VPS13B: variants seen among roughly 807,000 people sequenced by gnomAD.
The protein encoded by VPS13B is intermembrane lipid transfer protein VPS13B.
Under a neutral mutation model 426.4 loss-of-function variants are expected in VPS13B, and 285 were observed. That is an observed-to-expected ratio of 0.67 (90% CI 0.61 to 0.74). VPS13B has a LOEUF of 0.74. Among genes scored for constraint, VPS13B ranks in the 30% least tolerant of loss-of-function variants. The pLI, the probability that VPS13B is intolerant of heterozygous loss-of-function variation, is 0.00. For missense variants in VPS13B, 4,537 were observed against 4,782.6 expected (o/e 0.95, Z 1.51); for synonymous variants, 1,676 against 1,676.4 (o/e 1.00, Z 0.01).
At chr8:99,430,724 T>G (rs1275509759) in intron 21 of VPS13B, among the ~76,000 whole-genome samples, 1 of 147,720 alleles carries the variant, frequency 6.8e-6, no homozygotes, top group Non-Finnish European at 1.5e-5. Context: ...ACTTTTTTTT[T>G]GTTGTTGTTG....
Position 99,038,192 on chromosome 8 carries a change from T to C in VPS13B, c.148-231T>C, listed in dbSNP as rs539963621. Among the ~76,000 whole-genome samples the C allele has an allele frequency of 5.1e-4, 78 of 152,280 alleles. 3 individuals are homozygous for C. The South Asian group carries it at 0.013, about 25-fold the overall frequency. On this transcript the variant is annotated intron_variant, in intron 2 of 61. Transcript: ENST00000357162. The stretch of plus-strand genomic sequence containing the variant: ...CATTAACTATGGCCTAACAAGGTAT[T>C]TGATGCTACTTTTTGATAAACAGTA...
chr8:99,244,899 C>T (rs1205202206), intron 17 of VPS13B, among the ~76,000 whole-genome samples: 1 of 152,086 alleles, frequency 6.6e-6, no homozygotes, highest in East Asian at 1.9e-4. Flanking sequence ...AATATGTGTA[C>T]ATGTGTGGTG....
At chr8:99,862,657 A>G (rs1316614959) in intron 58 of VPS13B, among the ~76,000 whole-genome samples, 1 of 152,208 alleles carries the variant, frequency 6.6e-6, no homozygotes, top group African/African-American at 2.4e-5. Context: ...CCTTCCGCGC[A>G]TCTGAGGAAG....
intron 8 of VPS13B, among the ~76,000 whole-genome samples, chr8:99,123,903 A>G (rs7459833): frequency 0.72 from 108,874 of 152,084 alleles, 40,005 homozygotes; most frequent in South Asian, 0.87. Context: ...CCTGCTGTAT[A>G]TTTAAGTAGA....
At chr8:99,313,111 G>A (rs1490596983) in intron 19 of VPS13B, among the ~76,000 whole-genome samples, 2 of 152,106 alleles carry the variant, frequency 1.3e-5, no homozygotes, top group Admixed American at 6.6e-5. Context: ...AGATGGGTTC[G>A]AACTTCCTTC....
chr8:99,269,437 GT>G (rs1818463635), intron 17 of VPS13B, among the ~76,000 whole-genome samples: 1 of 152,078 alleles, frequency 6.6e-6, no homozygotes, highest in Non-Finnish European at 1.5e-5. Context: ...TTTGACTCAT[GT>G]CAGCTTTCTT....
Position 99,360,172 on chromosome 8 carries a change from TTCTTTCTTTCTTTCTTTCTC to T in VPS13B, c.2825-24032_2825-24013del, listed in dbSNP as rs1188080432. Among the ~76,000 whole-genome samples, 281 of 42,734 alleles carry T rather than the reference TTCTTTCTTTCTTTCTTTCTC, an allele frequency of 6.6e-3. 6 individuals are homozygous for T. Among genetic ancestry groups the T allele is most frequent in the South Asian group, 0.021 (17 of 794 alleles). The allele number at this position is 42,734 out of a possible 152,430, so 28.0% of individuals were successfully genotyped here. A position where few individuals can be genotyped will look rare whatever the true frequency, so the allele number is the denominator to read the frequency against. ...TTTCTTTCTTTCTTTCTTTCTTTCT[TTCTTTCTTTCTTTCTTTCTC>T]TCTCTCTCTCTCTCTCTCTTTCTTT... On this transcript the variant is annotated intron_variant, in intron 19 of 61. Coordinates refer to ENST00000357162, the MANE Select transcript of VPS13B (RefSeq NM_152564.5).
At chr8:99,627,290 G>A (rs1828653068) in intron 33 of VPS13B, among the ~76,000 whole-genome samples, 1 of 151,960 alleles carries the variant, frequency 6.6e-6, no homozygotes, top group Admixed American at 6.6e-5. Flanking sequence ...TAAAAAAATA[G>A]GTACTCCAGC....
chr8:99,465,405 G>GT (rs201727789), intron 23 of VPS13B, among the ~76,000 whole-genome samples: 6,044 of 133,504 alleles, frequency 0.045, 145 homozygotes, highest in South Asian at 0.083. Flanking sequence ...ACCTTGAAAG[G>GT]TTTTTTTTTT....
At chr8:99,585,523 T>C (rs1208707783) in intron 33 of VPS13B, among the ~76,000 whole-genome samples, 2 of 152,158 alleles carry the variant, frequency 1.3e-5, no homozygotes, top group Non-Finnish European at 2.9e-5. Flanking sequence ...GCAAGGTTGG[T>C]TTAATATCTG....
At chr8:99,248,334 T>G (rs532033592) in intron 17 of VPS13B, among the ~76,000 whole-genome samples, 1 of 152,306 alleles carries the variant, frequency 6.6e-6, no homozygotes, top group African/African-American at 2.4e-5. Context: ...TCTTTCAATG[T>G]ATACATATAT....
At chr8:99,208,220 G>A (rs1263554683) in intron 17 of VPS13B, among the ~76,000 whole-genome samples, 2 of 152,012 alleles carry the variant, frequency 1.3e-5, no homozygotes, top group Non-Finnish European at 2.9e-5. Context: ...TCACTATCAC[G>A]CAGCACCAAG....
intron 19 of VPS13B, among the ~76,000 whole-genome samples, chr8:99,304,375 C>G (rs1820531753): frequency 6.6e-6 from 1 of 151,086 alleles, no homozygotes; most frequent in African/African-American, 2.4e-5. Context: ...TTTCTATTGG[C>G]AGATGTGATT....
At chr8:99,256,491 A>G (rs542914704) in intron 17 of VPS13B, among the ~76,000 whole-genome samples, 2 of 152,244 alleles carry the variant, frequency 1.3e-5, no homozygotes, top group East Asian at 3.9e-4. Flanking sequence ...CCACTGTACC[A>G]TTTTACATTC....
rs1554952467 is a variant in VPS13B, at chr8:99,776,839, G to GC, written c.7314dup (p.Cys2439LeufsTer5). The GC allele has an allele frequency of 1.2e-6, 2 of 1,614,080 alleles. No homozygotes were observed. Among genetic ancestry groups the GC allele is most frequent in the Non-Finnish European group, 1.7e-6 (2 of 1,179,970 alleles). ...ACTTGTGACTCCAACAGCCCTGGCT[G>GC]CCTGTACCAGAGTTGACTCCTGCTT... On this transcript the variant is annotated frameshift_variant, in exon 41 of 62. Coordinates refer to ENST00000357162, the MANE Select transcript of VPS13B (RefSeq NM_152564.5). LOFTEE classifies it high-confidence loss of function.
At chr8:99,151,440 T>A (rs1273761377) in intron 14 of VPS13B, among the ~76,000 whole-genome samples, 2 of 152,194 alleles carry the variant, frequency 1.3e-5, no homozygotes, top group African/African-American at 4.8e-5. Flanking sequence ...CTGAAGGTCA[T>A]CATTATACCC....
chr8:99,649,625 TACACACAC>T (rs57697283), intron 34 of VPS13B, among the ~76,000 whole-genome samples: 3 of 146,388 alleles, frequency 2.0e-5, no homozygotes, highest in Non-Finnish European at 3.0e-5. Context: ...CCCCTCTACA[TACACACAC>T]ACACACACAC....
intron 17 of VPS13B, among the ~76,000 whole-genome samples, chr8:99,193,744 A>T (rs1405333348): frequency 6.6e-6 from 1 of 152,270 alleles, no homozygotes; most frequent in South Asian, 2.1e-4. Context: ...TTTTGTTCTT[A>T]TATGATGCTT....
At chr8:99,748,356 T>G (rs985392482) in intron 39 of VPS13B, among the ~76,000 whole-genome samples, 1 of 152,076 alleles carries the variant, frequency 6.6e-6, no homozygotes, top group Admixed American at 6.6e-5. Context: ...TTTCTAAGGG[T>G]TGATTTTGCA....
Sources: allele counts gnomAD v4.1 joint callset (sites outside exome capture counted in the v4.1 genomes callset), GRCh38; gene constraint gnomAD v4.1.1; transcripts MANE v1.5; gene names NCBI Gene and HGNC (gene_info 2026-07-23, HGNC 2026-07-21).